IPCEF1: variants seen among roughly 807,000 people sequenced by gnomAD.
IPCEF1 encodes the protein interaction protein for cytohesin exchange factors 1, also known as interactor protein for cytohesin exchange factors 1.
Under a neutral mutation model 50.9 loss-of-function variants are expected in IPCEF1, and 31 were observed. The ratio of observed to expected loss-of-function variants is 0.61; its 90% confidence interval spans 0.46 to 0.82. The LOEUF is 0.82. IPCEF1 is among the 40% of genes least tolerant of loss of function. The pLI is 0.00. For missense variants in IPCEF1, 458 were observed against 514.0 expected, an observed-to-expected ratio of 0.89 and a Z score of 1.05; for synonymous variants, 181 against 192.0, an observed-to-expected ratio of 0.94 and a Z score of 0.47.
In IPCEF1 at chr6:154,199,940, G is replaced by A; in HGVS notation, c.638C>T (p.Ser213Phe). The A allele has an allele frequency of 6.2e-7, 1 of 1,614,218 alleles. No homozygotes were observed. The highest frequency in any genetic ancestry group is 8.5e-7 in the Non-Finnish European group (1 of 1,180,034). ...GGATTGTCTCTCTTTAGATAAGGAG[G>A]AAGGAAAACTGCTGGGTGTCTTCAC... ...NTVKTPSSFP[S>F]SLSKERQSLP... Residue 213 changes from serine (S) to phenylalanine (F), a missense_variant, in exon 10 of 12, where the codon TCC becomes TTC. Physicochemically the swap from Ser to Phe is radical, Grantham distance 155. Transcript: ENST00000367220.
intron 1 of IPCEF1, among the ~76,000 whole-genome samples, chr6:154,304,814 T>G (rs1782889215): frequency 1.3e-5 from 2 of 152,132 alleles, no homozygotes; most frequent in South Asian, 2.1e-4. Flanking sequence ...GTCAACCTGA[T>G]TTTTAAGCAT....
In IPCEF1 at chr6:154,159,027, G is replaced by A. The variant is rs375566434; in HGVS notation, c.*801C>T. ...CACTATGTATAGGGATCACAGCCAA[G>A]GACAAGAGCAGTAGACATTCTTTGC... On this transcript the variant is annotated 3_prime_UTR_variant, in exon 12 of 12. Transcript: ENST00000367220. 8.5e-5 allele frequency: 13 copies of A among 152,112 alleles called. No homozygotes were observed. The highest frequency in any genetic ancestry group is 3.1e-4 in the African/African-American group (13 of 41,414). The allele number at this position is 152,112 out of a possible 1,614,324, so 9.4% of individuals were successfully genotyped here. A position where few individuals can be genotyped will look rare whatever the true frequency, so the allele number is the denominator to read the frequency against.
At chr6:154,164,234 C>T (rs1799247220) in intron 11 of IPCEF1, among the ~76,000 whole-genome samples, 1 of 152,066 alleles carries the variant, frequency 6.6e-6, no homozygotes, top group Admixed American at 6.6e-5. Context: ...CATGAATTAA[C>T]CCCTCTTTAT....
chr6:154,193,944 C>A (rs960012996), intron 10 of IPCEF1, among the ~76,000 whole-genome samples: 2 of 139,848 alleles, frequency 1.4e-5, no homozygotes, highest in Non-Finnish European at 3.1e-5. Flanking sequence ...GGATGTCCAA[C>A]ATAACAGACT....
At chr6:154,204,991 G>A (rs1262092411) in intron 9 of IPCEF1, among the ~76,000 whole-genome samples, 1 of 152,024 alleles carries the variant, frequency 6.6e-6, no homozygotes, top group Admixed American at 6.6e-5. Context: ...TGCCAGAAAG[G>A]CTTCCCTGTG....
At chr6:154,308,397 G>A (rs1385388120) in intron 1 of IPCEF1, among the ~76,000 whole-genome samples, 1 of 152,096 alleles carries the variant, frequency 6.6e-6, no homozygotes, top group Non-Finnish European at 1.5e-5. Flanking sequence ...AAACTACTGG[G>A]ATTACAGGCT....
chr6:154,345,276 T>TG (rs1462521002), intron 1 of IPCEF1, among the ~76,000 whole-genome samples: 1 of 152,246 alleles, frequency 6.6e-6, no homozygotes, highest in African/African-American at 2.4e-5. Flanking sequence ...TTCTTCACAA[T>TG]GCCTAATACA....
intron 5 of IPCEF1, among the ~76,000 whole-genome samples, chr6:154,236,746 G>A (rs1780166452): frequency 6.6e-6 from 1 of 152,126 alleles, no homozygotes; most frequent in South Asian, 2.1e-4. Context: ...CAGACATAGA[G>A]GCGAGGCCCA....
intron 1 of IPCEF1, among the ~76,000 whole-genome samples, chr6:154,346,898 T>C (rs1784041126): frequency 6.6e-6 from 1 of 152,196 alleles, no homozygotes. Context: ...TCTATCCCTA[T>C]CCAAGCATAT....
chr6:154,225,438 G>A, intron 5 of IPCEF1, among the ~76,000 whole-genome samples: 1 of 152,196 alleles, frequency 6.6e-6, no homozygotes, highest in Non-Finnish European at 1.5e-5. Context: ...ACTAATACAT[G>A]CTACGTGGAT....
At chr6:154,301,513 ATT>A (rs1782794898) in intron 1 of IPCEF1, among the ~76,000 whole-genome samples, 1 of 152,226 alleles carries the variant, frequency 6.6e-6, no homozygotes, top group African/African-American at 2.4e-5. Context: ...AACAGGCTGC[ATT>A]CTTATTTAAT....
At position 154,276,133 on chromosome 6, in the gene IPCEF1, G is replaced by A. The variant is rs541666929; in HGVS notation, c.-17-10169C>T. Reference sequence around the variant, plus strand: ...TGGGAGGTGGAGGTTGCAGTGAGCCGAGATTGTGCCACTGCACTCCAGCCT... The same window carrying A: ...TGGGAGGTGGAGGTTGCAGTGAGCCAAGATTGTGCCACTGCACTCCAGCCT... On this transcript the variant is annotated intron_variant, in intron 2 of 11. Coordinates refer to ENST00000367220, the MANE Select transcript of IPCEF1 (RefSeq NM_001130700.2). 1.1e-4 allele frequency among the ~76,000 whole-genome samples: 16 copies of A among 151,968 alleles called. 1 individual carries two copies. In the East Asian group the frequency reaches 1.9e-3, roughly 18 times the overall value.
At chr6:154,224,975 C>A (rs563210768) in intron 5 of IPCEF1, among the ~76,000 whole-genome samples, 1 of 152,046 alleles carries the variant, frequency 6.6e-6, no homozygotes, top group African/African-American at 2.4e-5. Flanking sequence ...ATTCTCAATC[C>A]GCCTTACAAA....
intron 1 of IPCEF1, among the ~76,000 whole-genome samples, chr6:154,329,255 T>C (rs1360236339): frequency 1.3e-5 from 2 of 152,082 alleles, no homozygotes; most frequent in Non-Finnish European, 2.9e-5. Context: ...CTAAGAATTT[T>C]TTTTTTAATC....
intron 1 of IPCEF1, chr6:154,330,044 C>T (rs2128692444): frequency 6.6e-6 from 1 of 152,452 alleles, no homozygotes; most frequent in Non-Finnish European, 1.5e-5. Flanking sequence ...AGCACTCTCT[C>T]AGTCTCATGG....
chr6:154,243,601 T>C (rs978928523), intron 5 of IPCEF1, among the ~76,000 whole-genome samples: 5 of 152,222 alleles, frequency 3.3e-5, no homozygotes, highest in East Asian at 3.9e-4. Context: ...AGATCACATG[T>C]AATTTCAAAG....
intron 5 of IPCEF1, among the ~76,000 whole-genome samples, chr6:154,230,366 G>A (rs78527380): frequency 6.6e-6 from 1 of 152,158 alleles, no homozygotes; most frequent in Non-Finnish European, 1.5e-5. Context: ...TACTTTTGCT[G>A]TGAGCCTAAA....
At chr6:154,161,339 T>C (rs1237168240) in intron 11 of IPCEF1, among the ~76,000 whole-genome samples, 1 of 151,840 alleles carries the variant, frequency 6.6e-6, no homozygotes, top group Non-Finnish European at 1.5e-5. Context: ...ACCTCCCAAG[T>C]AGCTGGGATT....
rs573315471 is a variant in IPCEF1 at position 154,327,242 on chromosome 6, G to A, written c.-62+29430C>T. 3.2e-4 allele frequency among the ~76,000 whole-genome samples: 49 copies of A among 152,200 alleles called. 1 individual carries two copies. In the South Asian group the frequency reaches 6.6e-3, roughly 21 times the overall value. ...GATCTGACTAAACTAAAGAGCTTCT[G>A]CACACCAAAAGAAACTATCATCAGA... On this transcript the variant is annotated intron_variant, in intron 1 of 11. Coordinates refer to ENST00000367220, the MANE Select transcript of IPCEF1 (RefSeq NM_001130700.2).
Sources: gnomAD v4.1 joint callset for allele counts (sites outside exome capture counted in the v4.1 genomes callset) on GRCh38, gnomAD v4.1.1 for gene constraint, MANE v1.5 for transcripts, NCBI Gene and HGNC (gene_info 2026-07-23, HGNC 2026-07-21) for gene names.